Variants in ELOVL5 observed in about 807,000 individuals in gnomAD.
ELOVL5 encodes very long chain fatty acid elongase 5.
ELOVL5 carries 8 observed loss-of-function variants against 38.6 expected under a neutral mutation model. The ratio of observed to expected loss-of-function variants is 0.21; its 90% CI spans 0.12 to 0.37. ELOVL5 has a LOEUF of 0.37. ELOVL5 is among the 10% of genes least tolerant of loss of function. The probability of loss-of-function intolerance (pLI) is 1.00; values close to 1 mark genes in which losing one functional copy is unlikely to be tolerated. For synonymous variants in ELOVL5, 127 were observed against 133.7 expected, an observed-to-expected ratio of 0.95 and a Z score of 0.34; for missense variants, 280 against 367.8, an observed-to-expected ratio of 0.76 and a Z score of 1.95.
At chr6:53,275,935 T>A (rs530795337) in intron 4 of ELOVL5, among the ~76,000 whole-genome samples, 3 of 152,242 alleles carry the variant, frequency 2.0e-5, no homozygotes, top group Non-Finnish European at 4.4e-5. Flanking sequence ...ACTGACTGCA[T>A]GTGATTTTTC....
rs932098184 is a variant in ELOVL5, at chr6:53,268,314, ACACTTAG to A, written c.*806_*812del. On this transcript the variant is annotated 3_prime_UTR_variant, in exon 8 of 8. Transcript: ENST00000304434. ...TTGACTTTTTGTTTGCTGTATAAAA[ACACTTAG>A]CACTTCAGAAATTAAAAATGGCCTA... The A allele has an allele frequency of 2.0e-5, 3 of 152,184 alleles. No homozygotes were observed. The highest frequency in any genetic ancestry group is 4.8e-5 in the African/African-American group (2 of 41,440). The allele number at this position is 152,184 out of a possible 1,614,324, so 9.4% of individuals were successfully genotyped here. A position where few individuals can be genotyped will look rare whatever the true frequency, so the allele number is the denominator to read the frequency against.
intron 1 of ELOVL5, among the ~76,000 whole-genome samples, chr6:53,305,372 G>GC (rs1220895289): frequency 2.1e-5 from 2 of 97,226 alleles, no homozygotes; most frequent in Non-Finnish European, 3.9e-5. Context: ...CTGGCCTGGC[G>GC]GGGGCTGACC....
rs2294870 is a variant in ELOVL5, at chr6:53,291,666, A to C, written c.246+110T>G. Reference sequence around the variant, plus strand: ...AACGCATTAAGATACTTGCTTGCCCAGTTGTCTCTACACCCCAAGCGGCCA... The same window carrying C: ...AACGCATTAAGATACTTGCTTGCCCCGTTGTCTCTACACCCCAAGCGGCCA... On this transcript the variant is annotated intron_variant, in intron 3 of 7. Transcript: ENST00000304434. The C allele has an allele frequency of 0.063, 47,358 of 754,628 alleles. 2,557 individuals carry two copies. Among genetic ancestry groups the C allele is most frequent in the Admixed American group, 0.27 (9,348 of 34,926 alleles). 46.7% of individuals were successfully genotyped at this position (754,628 alleles called of 1,614,324 possible).
intron 1 of ELOVL5, among the ~76,000 whole-genome samples, chr6:53,327,962 A>G (rs1292116169): frequency 1.3e-5 from 2 of 152,152 alleles, no homozygotes; most frequent in African/African-American, 4.8e-5. Context: ...CCAAGACCCC[A>G]TAAAAGTCAG....
At chr6:53,294,126 AT>A in intron 2 of ELOVL5, 1 of 1,403,192 alleles carries the variant, frequency 7.1e-7, no homozygotes, top group Non-Finnish European at 9.3e-7. Flanking sequence ...TGCTTTATTC[AT>A]TTTCCCACAA....
intron 1 of ELOVL5, among the ~76,000 whole-genome samples, chr6:53,315,654 A>G (rs911299524): frequency 2.0e-5 from 3 of 152,190 alleles, no homozygotes; most frequent in Non-Finnish European, 4.4e-5. Flanking sequence ...GGGGTTCCAT[A>G]TCAATTGTGA....
At chr6:53,270,420 T>G (rs1411216459) in intron 7 of ELOVL5, among the ~76,000 whole-genome samples, 173 bp downstream of exon 7, 1 of 152,186 alleles carries the variant, frequency 6.6e-6, no homozygotes, top group Non-Finnish European at 1.5e-5. Context: ...TTCTAGTGTC[T>G]TCCAGTGAGC....
At chr6:53,305,251 GCTC>G (rs1385114835) in intron 1 of ELOVL5, among the ~76,000 whole-genome samples, 1 of 141,732 alleles carries the variant, frequency 7.1e-6, no homozygotes, top group Non-Finnish European at 1.5e-5. Flanking sequence ...GGGCAGAGGG[GCTC>G]CTCACTTCCC....
chr6:53,335,042 C>T (rs1768988987), intron 1 of ELOVL5, among the ~76,000 whole-genome samples: 1 of 152,196 alleles, frequency 6.6e-6, no homozygotes, highest in Non-Finnish European at 1.5e-5. Flanking sequence ...GTTTCATCAC[C>T]TATTACGTGA....
chr6:53,283,248 T>G (rs1193977760), intron 3 of ELOVL5, among the ~76,000 whole-genome samples: 2 of 152,226 alleles, frequency 1.3e-5, no homozygotes, highest in Non-Finnish European at 2.9e-5. Context: ...CAACAAATTA[T>G]TCTTTAGAAA....
chr6:53,332,253 A>T (rs1273059810), intron 1 of ELOVL5, among the ~76,000 whole-genome samples: 1 of 152,224 alleles, frequency 6.6e-6, no homozygotes, highest in Non-Finnish European at 1.5e-5. Context: ...GTCAAGTTAC[A>T]TTCAGTATGG....
intron 6 of ELOVL5, among the ~76,000 whole-genome samples, chr6:53,271,267 T>G (rs1307554180): frequency 2.6e-5 from 4 of 152,210 alleles, no homozygotes; most frequent in Non-Finnish European, 5.9e-5. Context: ...AGGGCTAGGC[T>G]CAGGCCGGGC....
chr6:53,272,892 G>C lies in ELOVL5; in HGVS notation c.621+328C>G, dbSNP rs116481773. Reference sequence around the variant, plus strand: ...ACATACAATTTTCATTTTGGATTTTGGACTATAATTAGAAAACACACACAC... The same window carrying C: ...ACATACAATTTTCATTTTGGATTTTCGACTATAATTAGAAAACACACACAC... On this transcript the variant is annotated intron_variant, in intron 6 of 7. Coordinates refer to ENST00000304434, the MANE Select transcript of ELOVL5 (RefSeq NM_021814.5). Among the ~76,000 whole-genome samples, 724 of 149,090 alleles carry C rather than the reference G, an allele frequency of 4.9e-3. 7 individuals are homozygous for C. The highest frequency in any genetic ancestry group is 0.017 in the African/African-American group (670 of 39,606).
chr6:53,338,482 G>A (rs910826436), intron 1 of ELOVL5, among the ~76,000 whole-genome samples: 1 of 152,104 alleles, frequency 6.6e-6, no homozygotes, highest in African/African-American at 2.4e-5. Context: ...ATGTCTTTAT[G>A]GGTCTCTCTG....
chr6:53,269,151 CTTCACA>C lies in ELOVL5; in HGVS notation c.870_875del (p.Asn290_Val291del). ...TTCAATCCTTCCGCAGCTTCCTTGG[CTTCACA>C]TTGTTTTCCAGGGGTGAAAAGCTGT... On this transcript the variant is annotated inframe_deletion, in exon 8 of 8. Transcript: ENST00000304434. The C allele has an allele frequency of 8.1e-6, 13 of 1,614,004 alleles. No individual in the cohort carries two copies. The highest frequency in any genetic ancestry group is 1.1e-5 in the Non-Finnish European group (13 of 1,179,960).
At chr6:53,270,335 C>T (rs773350735) in intron 7 of ELOVL5, among the ~76,000 whole-genome samples, 1 of 152,172 alleles carries the variant, frequency 6.6e-6, no homozygotes, top group Non-Finnish European at 1.5e-5. Context: ...AGGGAAGCAA[C>T]ATAGGGTCCT....
At chr6:53,270,760 G>A in intron 6 of ELOVL5, 33 bp from the exon 7 acceptor site, 1 of 1,613,506 alleles carries the variant, frequency 6.2e-7, no homozygotes, top group East Asian at 2.2e-5. Flanking sequence ...GCTGAACAGG[G>A]ACAGTGCATG....
chr6:53,294,100 C>A (rs1766883124), intron 2 of ELOVL5: 1 of 1,375,714 alleles, frequency 7.3e-7, no homozygotes, highest in Non-Finnish European at 9.4e-7. Context: ...TTAACTTAAA[C>A]CTCTGATTTA....
At chr6:53,294,237 G>C in intron 2 of ELOVL5, 1 of 1,516,516 alleles carries the variant, frequency 6.6e-7, no homozygotes, top group Non-Finnish European at 8.9e-7. Context: ...AGAATCCTTA[G>C]GATCTAGTCA....
Sources: gnomAD v4.1 joint callset for allele counts (sites outside exome capture counted in the v4.1 genomes callset) on GRCh38, gnomAD v4.1.1 for gene constraint, MANE v1.5 for transcripts, NCBI Gene and HGNC (gene_info 2026-07-23, HGNC 2026-07-21) for gene names.